Variants in MTUS2 observed in about 807,000 individuals in gnomAD.
MTUS2 encodes the protein microtubule associated scaffold protein 2.
Under a neutral mutation model 114.1 loss-of-function variants are expected in MTUS2, and 40 were observed. That is an observed-to-expected ratio of 0.35 (90% CI 0.27 to 0.46). The LOEUF (loss-of-function observed/expected upper bound fraction) is 0.46, where lower values mean the gene tolerates loss of function less well. MTUS2 is among the 20% of genes least tolerant of loss of function. The probability of loss-of-function intolerance (pLI) is 1.00; values close to 1 mark genes in which losing one functional copy is unlikely to be tolerated. For synonymous variants in MTUS2, 688 were observed against 672.0 expected, an observed-to-expected ratio of 1.02 and a Z score of -0.37; for missense variants, 1,679 against 1,705.4, an observed-to-expected ratio of 0.98 and a Z score of 0.27.
chr13:29,497,178 G>A, intron 12 of MTUS2, 60 bp from the exon 13 acceptor site: 1 of 1,445,644 alleles, frequency 6.9e-7, no homozygotes, highest in East Asian at 2.3e-5. Context: ...CAGCTGCCCA[G>A]GCTGTGGTGG....
At chr13:28,904,273 C>T (rs1351126900) in intron 2 of MTUS2, among the ~76,000 whole-genome samples, 1 of 152,114 alleles carries the variant, frequency 6.6e-6, no homozygotes, top group African/African-American at 2.4e-5. Flanking sequence ...AATTAGATTC[C>T]ATTTGTCAAT....
Position 29,402,007 on chromosome 13 carries a change from CTTGAG to C in MTUS2, c.3118-37972_3118-37968del, listed in dbSNP as rs541480140. 2.9e-3 allele frequency among the ~76,000 whole-genome samples: 437 copies of C among 152,266 alleles called. 2 individuals carry two copies. Among genetic ancestry groups the C allele is most frequent in the African/African-American group, 0.01 (421 of 41,526 alleles). On this transcript the variant is annotated intron_variant, in intron 8 of 15. Coordinates refer to ENST00000612955, the MANE Select transcript of MTUS2 (RefSeq NM_001033602.4). Reference sequence around the variant, plus strand: ...ATGGTATTACCTCATTTACTCAATACTTGAGTTGTGTGTGTGTGTACAGACACTTA... The same window carrying C: ...ATGGTATTACCTCATTTACTCAATACTTGTGTGTGTGTGTACAGACACTTA...
Position 29,497,354 on chromosome 13 carries a change from G to A in MTUS2, c.3678+18G>A, listed in dbSNP as rs1168609044. 2 of 1,602,612 alleles carry A rather than the reference G, an allele frequency of 1.2e-6. No individual in the cohort carries two copies. Among genetic ancestry groups the A allele is most frequent in the South Asian group, 2.2e-5 (2 of 89,492 alleles). On this transcript the variant is annotated intron_variant, in intron 13 of 15. Coordinates refer to ENST00000612955, the MANE Select transcript of MTUS2 (RefSeq NM_001033602.4). ...AGCTGGAGGTCGTTTCTGGATTCCA[G>A]GCTTCCAGCCCCGCAGGAACCCCGC... is the stretch of plus-strand genomic sequence containing the variant.
intron 7 of MTUS2, among the ~76,000 whole-genome samples, chr13:29,338,930 C>T (rs111940944): frequency 0.075 from 11,408 of 152,042 alleles, 1,362 homozygotes; most frequent in African/African-American, 0.25. Flanking sequence ...TAAGGAGAGG[C>T]GGGGCTGAGG....
rs1404950678 is a variant in MTUS2 at position 29,024,999 on chromosome 13, T to C, written c.301T>C (p.Ser101Pro). 1.9e-6 allele frequency: 3 copies of C among 1,613,794 alleles called. No homozygotes were observed. The African/African-American group carries it at 4.0e-5, about 22-fold the overall frequency. Reference sequence around the variant, plus strand: ...TGCCAGCCTGAAAGATTTTAGACTTTCTTCAACCATTCAGAGGGAACTCAA... The same window carrying C: ...TGCCAGCCTGAAAGATTTTAGACTTCCTTCAACCATTCAGAGGGAACTCAA... ...GSASLKDFRL[S>P]STIQRELNEE... The change falls in exon 3 of 16, where the codon TCT becomes CCT. Residue 101 changes from serine (S) to proline (P), a missense_variant. By Grantham distance (74) the Ser-to-Pro change is moderately conservative. This residue lies in a region of MTUS2 where 843 missense variants were observed against 770.8 expected (regional missense o/e 1.09). Coordinates refer to ENST00000612955, the MANE Select transcript of MTUS2 (RefSeq NM_001033602.4).
intron 2 of MTUS2, among the ~76,000 whole-genome samples, chr13:28,844,624 TGAGA>T (rs925336277): frequency 3.8e-4 from 57 of 151,546 alleles, no homozygotes; most frequent in African/African-American, 1.1e-3. Context: ...TGTGTGTGTG[TGAGA>T]GAGAGAGAGA....
At chr13:29,063,584 A>G (rs1330747197) in intron 4 of MTUS2, among the ~76,000 whole-genome samples, 2 of 152,188 alleles carry the variant, frequency 1.3e-5, no homozygotes, top group African/African-American at 4.8e-5. Flanking sequence ...CATACTGTGT[A>G]AAGTTTCCTC....
chr13:29,334,577 T>G (rs1900954813), intron 7 of MTUS2, among the ~76,000 whole-genome samples: 1 of 152,214 alleles, frequency 6.6e-6, no homozygotes, highest in African/African-American at 2.4e-5. Context: ...TCTGCTGTTA[T>G]TCTGATGGGC....
chr13:29,295,106 T>C (rs1898881408), intron 6 of MTUS2, among the ~76,000 whole-genome samples: 1 of 152,116 alleles, frequency 6.6e-6, no homozygotes, highest in African/African-American at 2.4e-5. Context: ...AAATAACGTA[T>C]TGACTGGCTG....
chr13:29,183,701 G>A (rs1894101806), intron 5 of MTUS2, among the ~76,000 whole-genome samples: 1 of 152,134 alleles, frequency 6.6e-6, no homozygotes, highest in Non-Finnish European at 1.5e-5. Flanking sequence ...CAGTGAAGTT[G>A]GAGGGAAACT....
At chr13:29,176,941 C>T (rs905726709) in intron 5 of MTUS2, among the ~76,000 whole-genome samples, 5 of 151,098 alleles carry the variant, frequency 3.3e-5, no homozygotes, top group Admixed American at 6.6e-5. Flanking sequence ...TGGCTCTTTA[C>T]TGTCAATGAT....
chr13:29,072,134 T>G (rs1888967916), intron 4 of MTUS2: 1 of 152,268 alleles, frequency 6.6e-6, no homozygotes, highest in Non-Finnish European at 1.5e-5. Flanking sequence ...GGCCTCCATC[T>G]GTGTCCTGTT....
chr13:28,885,340 T>C (rs1269676677), intron 2 of MTUS2, among the ~76,000 whole-genome samples: 9 of 152,126 alleles, frequency 5.9e-5, no homozygotes, highest in Admixed American at 5.9e-4. Flanking sequence ...CTTCTGTGGA[T>C]AAAGGGAAGG....
At chr13:29,278,977 G>C (rs151140846) in intron 5 of MTUS2, among the ~76,000 whole-genome samples, 7 of 152,152 alleles carry the variant, frequency 4.6e-5, no homozygotes, top group Admixed American at 2.6e-4. Context: ...AAACTGACTT[G>C]TTGTAATAAC....
intron 2 of MTUS2, among the ~76,000 whole-genome samples, chr13:28,913,326 A>T (rs1475309424): frequency 2.0e-5 from 3 of 152,030 alleles, no homozygotes; most frequent in Admixed American, 6.6e-5. Context: ...ACATGAGGGA[A>T]TGTTGAATTT....
At chr13:29,232,695 T>C (rs112886745) in intron 5 of MTUS2, among the ~76,000 whole-genome samples, 165 of 152,294 alleles carry the variant, frequency 1.1e-3, no homozygotes, top group African/African-American at 3.5e-3. Context: ...TAGATTTGAC[T>C]ATGTGGAGAG....
chr13:29,450,173 T>C (rs1224534942), intron 9 of MTUS2, among the ~76,000 whole-genome samples: 2 of 152,164 alleles, frequency 1.3e-5, no homozygotes, highest in Non-Finnish European at 2.9e-5. Flanking sequence ...GGAACTGCAC[T>C]TGACTATACA....
At chr13:29,390,056 C>CGT in intron 8 of MTUS2, among the ~76,000 whole-genome samples, 1 of 1,156 alleles carries the variant, frequency 8.7e-4, no homozygotes, top group East Asian at 0.12. Flanking sequence ...TATACACATA[C>CGT]ATATATACAC....
intron 8 of MTUS2, among the ~76,000 whole-genome samples, chr13:29,412,600 T>G (rs1050828440): frequency 6.6e-6 from 1 of 152,062 alleles, no homozygotes; most frequent in African/African-American, 2.4e-5. Flanking sequence ...ATTAAAAGAA[T>G]AAGGAAGGAC....
Sources: gnomAD v4.1 joint callset for allele counts (sites outside exome capture counted in the v4.1 genomes callset) on GRCh38, gnomAD v4.1.1 for gene constraint, gnomAD v4.1.1 regional missense constraint, MANE v1.5 for transcripts, NCBI Gene and HGNC (gene_info 2026-07-23, HGNC 2026-07-21) for gene names.